Variants in DYNC2I2 observed in about 807,000 individuals in gnomAD.
DYNC2I2 encodes cytoplasmic dynein 2 intermediate chain 2.
In DYNC2I2, 39 loss-of-function variants were observed where a neutral mutation model predicts 52.0. That is an observed-to-expected ratio of 0.75 (90% CI 0.58 to 0.98). The LOEUF (loss-of-function observed/expected upper bound fraction) is 0.98. DYNC2I2 is among the 50% of genes least tolerant of loss of function. The pLI is 0.00. For missense variants in DYNC2I2, 743 were observed against 728.4 expected, an observed-to-expected ratio of 1.02 and a Z score of -0.23; for synonymous variants, 359 against 321.1, an observed-to-expected ratio of 1.12 and a Z score of -1.26.
At chr9:128,635,022 C>T in intron 6 of DYNC2I2, 70 bp downstream of exon 6, 1 of 1,583,130 alleles carries the variant, frequency 6.3e-7, no homozygotes, top group South Asian at 1.1e-5. Flanking sequence ...CAAGTCAGGC[C>T]CACTGCCACA....
At chr9:128,655,908 C>CAA (rs538687665) in intron 1 of DYNC2I2, among the ~76,000 whole-genome samples, 17 of 41,048 alleles carry the variant, frequency 4.1e-4, no homozygotes, top group African/African-American at 6.3e-4. Context: ...GAGACTGTCT[C>CAA]AAAAAAAAAA....
At chr9:128,683,751 T>C in the DYNC2I2 span, 1 of 628,540 alleles carries the variant, frequency 1.6e-6, no homozygotes, top group Non-Finnish European at 2.7e-6. Context: ...GGGGTGTGTG[T>C]CCCACTGTCA....
intron 1 of DYNC2I2, among the ~76,000 whole-genome samples, chr9:128,653,677 T>A (rs946569849): frequency 6.8e-6 from 1 of 147,314 alleles, no homozygotes. Flanking sequence ...GATCACGCCA[T>A]TGCACTCCAG....
chr9:128,647,612 G>A (rs1416813570), intron 1 of DYNC2I2, among the ~76,000 whole-genome samples: 1 of 151,690 alleles, frequency 6.6e-6, no homozygotes, highest in Admixed American at 6.6e-5. Context: ...GCATGCACCT[G>A]TAATCCCAGC....
chr9:128,675,946 T>C, the DYNC2I2 span, among the ~76,000 whole-genome samples: 7 of 152,044 alleles, frequency 4.6e-5, no homozygotes, highest in Non-Finnish European at 2.9e-5. Context: ...AGCAGGAGGA[T>C]CACTTGAGTC....
At chr9:128,640,166 C>A (rs1010185805) in intron 2 of DYNC2I2, among the ~76,000 whole-genome samples, 12 of 152,268 alleles carry the variant, frequency 7.9e-5, no homozygotes, top group Non-Finnish European at 1.3e-4. Context: ...TGCCACTACG[C>A]CCGGCTAATT....
chr9:128,633,905 G>A lies in DYNC2I2; in HGVS notation c.1450C>T (p.Pro484Ser). The part of the protein sequence containing the change: ...VLIKQTQDES[P>S]VYCLEFNSQQ... Reference sequence around the variant, plus strand: ...CTGTTGAACTCCAGACAGTAGACAGGGCTTTCATCCTGGGTTTGCTTGATC... The same window carrying A: ...CTGTTGAACTCCAGACAGTAGACAGAGCTTTCATCCTGGGTTTGCTTGATC... The change falls in exon 9 of 9, where the codon CCT (proline) becomes TCT (serine). Residue 484 changes from proline (P) to serine (S), a missense_variant. Physicochemically the swap from Pro to Ser is moderately conservative, Grantham distance 74. Transcript: ENST00000372715. The A allele has an allele frequency of 6.2e-7, 1 of 1,613,374 alleles. No homozygotes were observed.
chr9:128,672,673 G>A, the DYNC2I2 span, among the ~76,000 whole-genome samples: 42 of 152,064 alleles, frequency 2.8e-4, no homozygotes, highest in Non-Finnish European at 4.7e-4. Flanking sequence ...TCAATGAAAT[G>A]TACTGAAATA....
rs1376662293 is a variant in DYNC2I2, at chr9:128,635,645, C to T, written c.813+13G>A. ...CCTCAGGGCCCACCCCGCCCGGCAG[C>T]CCCTGCCCTGACCTGGGACACAGGG... On this transcript the variant is annotated intron_variant, in intron 5 of 8. Transcript: ENST00000372715. 6.3e-7 allele frequency: 1 copy of T among 1,592,740 alleles called. No individual in the cohort carries two copies. Among genetic ancestry groups the T allele is most frequent in the Non-Finnish European group, 8.6e-7 (1 of 1,168,708 alleles).
At chr9:128,679,278 C>A in the DYNC2I2 span, among the ~76,000 whole-genome samples, 1 of 151,976 alleles carries the variant, frequency 6.6e-6, no homozygotes, top group Non-Finnish European at 1.5e-5. Context: ...AATCAAGACA[C>A]CTGTGACTTT....
chr9:128,655,114 C>T (rs10988071), intron 1 of DYNC2I2, among the ~76,000 whole-genome samples: 1 of 151,880 alleles, frequency 6.6e-6, no homozygotes, highest in African/African-American at 2.4e-5. Flanking sequence ...CACGCAGCAT[C>T]TCATCTCATC....
the DYNC2I2 span, among the ~76,000 whole-genome samples, chr9:128,682,557 G>A: frequency 4.6e-5 from 7 of 151,824 alleles, 1 homozygote; most frequent in Admixed American, 3.9e-4. Context: ...GACGTCTGTA[G>A]TCCCAGCTAC....
rs116402660 is a variant in DYNC2I2 at position 128,655,198 on chromosome 9, G to C, written c.186+1343C>G. Among the ~76,000 whole-genome samples, 1,056 of 151,654 alleles carry C rather than the reference G, an allele frequency of 7.0e-3. 8 individuals carry two copies. Among genetic ancestry groups the C allele is most frequent in the African/African-American group, 0.024 (997 of 41,378 alleles). On this transcript the variant is annotated intron_variant, in intron 1 of 8. Transcript: ENST00000372715. ...TTATCTAGAATTTACAATGCAGTTT[G>C]GTCATTTAAAAGTTAGCCTGGGCCG...
At chr9:128,639,086 T>G (rs937720281) in intron 2 of DYNC2I2, among the ~76,000 whole-genome samples, 1 of 151,322 alleles carries the variant, frequency 6.6e-6, no homozygotes, top group African/African-American at 2.4e-5. Flanking sequence ...CTGGGCAACA[T>G]AGGAAGACCC....
chr9:128,658,977 C>T (rs563616014), upstream of DYNC2I2, among the ~76,000 whole-genome samples: 10 of 151,868 alleles, frequency 6.6e-5, no homozygotes, highest in African/African-American at 2.4e-4. Flanking sequence ...GTGAACTGCT[C>T]ACTTCTACCT....
At chr9:128,683,386 G>A in the DYNC2I2 span, 3 of 211,842 alleles carry the variant, frequency 1.4e-5, no homozygotes, top group African/African-American at 6.9e-5. Context: ...GGGAGGTCAG[G>A]AAGGAGTTAG....
At chr9:128,651,798 C>T (rs1860718839) in intron 1 of DYNC2I2, 1 of 148,914 alleles carries the variant, frequency 6.7e-6, no homozygotes, top group Non-Finnish European at 1.5e-5. Flanking sequence ...GCCTGTAATC[C>T]CAGCTACTCA....
chr9:128,669,209 C>T, the DYNC2I2 span, among the ~76,000 whole-genome samples: 1 of 151,614 alleles, frequency 6.6e-6, no homozygotes, highest in Admixed American at 6.6e-5. Context: ...ACTAAAAATA[C>T]AAAAAATTAG....
At chr9:128,636,122 G>A in intron 4 of DYNC2I2, 159 bp downstream of exon 4, 5 of 1,145,052 alleles carry the variant, frequency 4.4e-6, no homozygotes, top group Non-Finnish European at 3.8e-6. Context: ...CACCCCTCAG[G>A]GCTCACTGCA....
Sources: gnomAD v4.1 joint callset for allele counts (sites outside exome capture counted in the v4.1 genomes callset) on GRCh38, gnomAD v4.1.1 for gene constraint, MANE v1.5 for transcripts, NCBI Gene and HGNC (gene_info 2026-07-23, HGNC 2026-07-21) for gene names.